The following CA10 variants were observed in gnomAD, a reference collection of about 807,000 sequenced individuals.
CA10 encodes the protein carbonic anhydrase-related protein 10.
A neutral mutation model predicts 44.2 loss-of-function variants in CA10; 14 were observed. The observed-to-expected ratio is 0.32, with a 90% CI of 0.21 to 0.50. The LOEUF (loss-of-function observed/expected upper bound fraction) is 0.50, where lower values mean the gene tolerates loss of function less well. Among genes scored for constraint, CA10 ranks in the 20% least tolerant of loss-of-function variants. The probability of loss-of-function intolerance (pLI) is 0.99; values close to 1 mark genes in which losing one functional copy is unlikely to be tolerated. For synonymous variants in CA10, 159 were observed against 141.6 expected (o/e 1.12, Z -0.87); for missense variants, 350 against 409.7 (o/e 0.85, Z 1.26).
At chr17:51,895,541 G>A (rs1170334462) in intron 3 of CA10, among the ~76,000 whole-genome samples, 1 of 152,024 alleles carries the variant, frequency 6.6e-6, no homozygotes, top group Non-Finnish European at 1.5e-5. Flanking sequence ...AATGAGCAAT[G>A]ATATCAGTAA....
intron 1 of CA10, among the ~76,000 whole-genome samples, chr17:52,104,585 A>T (rs1181925218): frequency 6.6e-6 from 1 of 152,058 alleles, no homozygotes; most frequent in Non-Finnish European, 1.5e-5. Context: ...CAAAGCATCC[A>T]TTCTCCCACC....
intron 1 of CA10, among the ~76,000 whole-genome samples, chr17:52,119,276 A>T (rs992244024): frequency 1.6e-5 from 2 of 128,600 alleles, no homozygotes; most frequent in Admixed American, 8.2e-5. Context: ...TATTTGTGTC[A>T]GTGCAATAAG....
intron 4 of CA10, among the ~76,000 whole-genome samples, chr17:51,742,064 A>G (rs1342979421): frequency 6.6e-6 from 1 of 152,140 alleles, no homozygotes; most frequent in East Asian, 1.9e-4. Flanking sequence ...TGGTTTGTAA[A>G]CCCCTGTAAT....
chr17:51,922,759 TA>T (rs1982283733), intron 3 of CA10, among the ~76,000 whole-genome samples: 2 of 152,146 alleles, frequency 1.3e-5, no homozygotes, highest in African/African-American at 4.8e-5. Flanking sequence ...TTAATCATGA[TA>T]TTTTAAAAAT....
chr17:52,108,356 G>A lies in CA10; in HGVS notation c.62-35963C>T, dbSNP rs1988713749. On this transcript the variant is annotated intron_variant, in intron 1 of 8. Coordinates refer to ENST00000451037, the MANE Select transcript of CA10 (RefSeq NM_020178.5). ...AGGAATCAAAAACCAAACATTGTATGTCCTCACTGATATGTGGGAAATAAG... is the reference window on the plus strand; with the variant it reads ...AGGAATCAAAAACCAAACATTGTATATCCTCACTGATATGTGGGAAATAAG... 2.0e-5 allele frequency among the ~76,000 whole-genome samples: 3 copies of A among 151,462 alleles called. No homozygotes were observed. The South Asian group carries it at 6.2e-4, about 31-fold the overall frequency.
chr17:51,782,008 T>C (rs1160377523), intron 3 of CA10, among the ~76,000 whole-genome samples: 1 of 152,198 alleles, frequency 6.6e-6, no homozygotes, highest in Non-Finnish European at 1.5e-5. Context: ...CTCTCAAGCC[T>C]GAGTTTGTGC....
At chr17:51,862,925 T>A (rs1028186908) in intron 3 of CA10, among the ~76,000 whole-genome samples, 8 of 152,088 alleles carry the variant, frequency 5.3e-5, no homozygotes, top group African/African-American at 1.9e-4. Context: ...AAGCCCCATA[T>A]CCAAATATCA....
At chr17:52,031,224 A>G (rs1986457425) in intron 2 of CA10, among the ~76,000 whole-genome samples, 1 of 150,130 alleles carries the variant, frequency 6.7e-6, no homozygotes, top group Non-Finnish European at 1.5e-5. Context: ...ATCTCAGCTC[A>G]CTGCTACCTC....
chr17:51,838,709 T>C (rs1286229824), intron 3 of CA10, among the ~76,000 whole-genome samples: 5 of 152,188 alleles, frequency 3.3e-5, no homozygotes, highest in African/African-American at 1.2e-4. Flanking sequence ...ATAGCAAATA[T>C]CTCTATATAC....
chr17:51,744,314 C>CA (rs35791301), intron 4 of CA10, among the ~76,000 whole-genome samples: 3,271 of 112,912 alleles, frequency 0.029, 75 homozygotes, highest in African/African-American at 0.072. Flanking sequence ...GACTCCATCT[C>CA]AAAAAAAAAA....
chr17:51,806,130 C>T (rs1374404356), intron 3 of CA10, among the ~76,000 whole-genome samples: 1 of 152,104 alleles, frequency 6.6e-6, no homozygotes, highest in Non-Finnish European at 1.5e-5. Context: ...GAGTTTTCTC[C>T]CAGGAGCATT....
intron 3 of CA10, among the ~76,000 whole-genome samples, chr17:51,790,768 C>T (rs1422204857): frequency 6.6e-6 from 1 of 152,240 alleles, no homozygotes; most frequent in Non-Finnish European, 1.5e-5. Context: ...GTTCTACCAT[C>T]TGTGCATCTC....
chr17:51,940,128 G>A (rs2144014132), intron 2 of CA10, among the ~76,000 whole-genome samples: 1 of 152,114 alleles, frequency 6.6e-6, no homozygotes, highest in South Asian at 2.1e-4. Context: ...AGTGAATAAT[G>A]CCAGCATTAT....
At chr17:51,687,609 G>A (rs1915051020) in intron 4 of CA10, among the ~76,000 whole-genome samples, 2 of 152,156 alleles carry the variant, frequency 1.3e-5, no homozygotes, top group African/African-American at 4.8e-5. Context: ...TGGTTTCCGG[G>A]TCAAGTTTTT....
chr17:51,972,180 A>G (rs1984304108), intron 2 of CA10, among the ~76,000 whole-genome samples: 1 of 152,132 alleles, frequency 6.6e-6, no homozygotes, highest in Non-Finnish European at 1.5e-5. Context: ...TACAGAAGAA[A>G]TGTGAGATTA....
chr17:51,637,422 G>A (rs1187905079), intron 6 of CA10, among the ~76,000 whole-genome samples: 2 of 152,148 alleles, frequency 1.3e-5, no homozygotes, highest in African/African-American at 2.4e-5. Context: ...GGCATACCAT[G>A]AGCACCCATC....
chr17:51,820,419 G>GCC lies in CA10; in HGVS notation c.280-72603_280-72602dup, dbSNP rs749664426. On this transcript the variant is annotated intron_variant, in intron 3 of 8. Transcript: ENST00000451037. ...GGGATTCCCCTACCCCCCCCCCCCC[G>GCC]CCCGCCGATTTTCCTGTACAAAGTT... 3.2e-3 allele frequency among the ~76,000 whole-genome samples: 75 copies of GCC among 23,470 alleles called. 1 individual carries two copies. Among genetic ancestry groups the GCC allele is most frequent in the African/African-American group, 0.017 (73 of 4,266 alleles). 15.4% of individuals were successfully genotyped at this position (23,470 alleles called of 152,430 possible). A position where few individuals can be genotyped will look rare whatever the true frequency, so the allele number is the denominator to read the frequency against.
chr17:51,946,624 T>G lies in CA10; in HGVS notation c.137-15492A>C, dbSNP rs143516090. Among the ~76,000 whole-genome samples the G allele has an allele frequency of 3.9e-3, 596 of 152,256 alleles. 6 individuals carry two copies. The highest frequency in any genetic ancestry group is 0.024 in the Middle Eastern group (7 of 294). Reference sequence around the variant, plus strand: ...CATGTCCCTCACCTGGCATGCCTACTCATTCAAATCTTACTCATTTTCCAA... The same window carrying G: ...CATGTCCCTCACCTGGCATGCCTACGCATTCAAATCTTACTCATTTTCCAA... On this transcript the variant is annotated intron_variant, in intron 2 of 8. Coordinates refer to ENST00000451037, the MANE Select transcript of CA10 (RefSeq NM_020178.5).
At chr17:52,141,505 T>A (rs1185429471) in intron 1 of CA10, among the ~76,000 whole-genome samples, 1 of 152,180 alleles carries the variant, frequency 6.6e-6, no homozygotes, top group South Asian at 2.1e-4. Flanking sequence ...CTCAGAAATG[T>A]TTTTTTGTAA....
Sources: allele counts gnomAD v4.1 joint callset (sites outside exome capture counted in the v4.1 genomes callset), GRCh38; gene constraint gnomAD v4.1.1; transcripts MANE v1.5; gene names NCBI Gene and HGNC (gene_info 2026-07-23, HGNC 2026-07-21).